The following ATAD2 variants were observed in gnomAD, a reference collection of about 807,000 sequenced individuals.
ATAD2 encodes the protein ATPase family AAA domain containing 2.
ATAD2 carries 62 observed loss-of-function variants against 168.9 expected under a neutral mutation model. The observed-to-expected ratio is 0.37, with a 90% confidence interval of 0.30 to 0.45. The LOEUF (loss-of-function observed/expected upper bound fraction) is 0.45. ATAD2 is among the 20% of genes least tolerant of loss of function. The pLI is 1.00. For synonymous variants in ATAD2, 613 were observed against 571.6 expected (o/e 1.07, Z -1.03); for missense variants, 1,419 against 1,667.8 (o/e 0.85, Z 2.60).
intron 8 of ATAD2, among the ~76,000 whole-genome samples, chr8:123,364,121 T>C (rs1222189335): frequency 6.6e-6 from 1 of 152,164 alleles, no homozygotes; most frequent in Non-Finnish European, 1.5e-5. Context: ...CCGCACTTAA[T>C]GTATGGCAGA....
At chr8:123,371,547 T>A (rs758146430) in intron 4 of ATAD2, 123 bp downstream of exon 4, 9 of 913,430 alleles carry the variant, frequency 9.9e-6, no homozygotes, top group Non-Finnish European at 1.4e-5. Flanking sequence ...CTGATAATCA[T>A]TCTCCTGTAC....
At chr8:123,345,506 CA>C (rs34282183) in intron 18 of ATAD2, among the ~76,000 whole-genome samples, 2,987 of 50,128 alleles carry the variant, frequency 0.06, 89 homozygotes, top group African/African-American at 0.12. Context: ...TATTAAAATA[CA>C]AAAAAAAAAA....
intron 2 of ATAD2, among the ~76,000 whole-genome samples, chr8:123,377,642 A>G (rs1421496375): frequency 6.6e-6 from 1 of 152,194 alleles, no homozygotes; most frequent in Admixed American, 6.5e-5. Context: ...ATTGACTGCT[A>G]TCAGTTTCTC....
At position 123,402,832 on chromosome 8, in the gene ATAD2, AT is replaced by A. The variant is rs1263110956; in HGVS notation, c.-2281-1658del. On this transcript the variant is annotated intron_variant, in intron 1 of 28. Transcript: ENST00000521903. The surrounding 1 kb of genome is among the most constrained non-coding windows in gnomAD (Gnocchi z 4.8). ...CTCAATGCCAATAATAATAATAATAATAATAATAATAAAAATCAACACACTA... is the reference window on the plus strand; with the variant it reads ...CTCAATGCCAATAATAATAATAATAAAATAATAATAAAAATCAACACACTA... 3.7e-4 allele frequency among the ~76,000 whole-genome samples: 56 copies of A among 151,854 alleles called. No homozygotes were observed. The highest frequency in any genetic ancestry group is 1.2e-3 in the African/African-American group (48 of 41,432).
intron 2 of ATAD2, among the ~76,000 whole-genome samples, chr8:123,377,101 A>AAAAAAAAAAAAG (rs1829340770): frequency 7.0e-6 from 1 of 142,414 alleles, no homozygotes; most frequent in Non-Finnish European, 1.5e-5. Context: ...CAAAAAAAAA[A>AAAAAAAAAAAAG]AAAAAAAAAA....
chr8:123,371,105 T>A, intron 5 of ATAD2, 115 bp from the exon 6 acceptor site: 1 of 1,103,982 alleles, frequency 9.1e-7, no homozygotes, highest in Non-Finnish European at 1.3e-6. Flanking sequence ...AACTCTTACA[T>A]TTCCAGCAGT....
rs140021846 is a variant in ATAD2 at position 123,369,954 on chromosome 8, A to T, written c.798T>A (p.Asp266Glu). The T allele has an allele frequency of 2.5e-6, 4 of 1,578,810 alleles. No homozygotes were observed. The highest frequency in any genetic ancestry group is 2.6e-6 in the Non-Finnish European group (3 of 1,151,354). Residue 266 changes from aspartate to glutamate, a missense_variant, in exon 7 of 28, where the codon GAT (aspartate) becomes GAA (glutamate). Around this residue, in one of 5 missense-constraint regions of ATAD2, gnomAD observed 419 missense variants for 423.5 expected, o/e 0.99. Coordinates refer to ENST00000287394, the MANE Select transcript of ATAD2 (RefSeq NM_014109.4). Reference protein sequence around the residue: ...DGEDEDDEDDDDDDDDDDDDD... With the variant: ...DGEDEDDEDDEDDDDDDDDDD... ...CATCATCATCATCATCGTCATCATC[A>T]TCATCATCTTCATCATCTTCATCTT...
intron 25 of ATAD2, among the ~76,000 whole-genome samples, chr8:123,327,531 AACTT>A (rs1357925957): frequency 6.6e-6 from 1 of 152,028 alleles, no homozygotes; most frequent in Admixed American, 6.6e-5. Flanking sequence ...AAAGTCCATT[AACTT>A]AGTCAATGCT....
chr8:123,343,721 C>T (rs1482909040), intron 19 of ATAD2, among the ~76,000 whole-genome samples: 1 of 152,082 alleles, frequency 6.6e-6, no homozygotes, highest in African/African-American at 2.4e-5. Flanking sequence ...ACTTTACATT[C>T]TGATGGGGAA....
intron 2 of ATAD2, among the ~76,000 whole-genome samples, chr8:123,377,166 T>G (rs1319105003): frequency 2.3e-5 from 3 of 129,468 alleles, no homozygotes; most frequent in Non-Finnish European, 3.2e-5. Context: ...GAGGCTGAGG[T>G]GGGAGGACCA....
chr8:123,405,022 T>G (rs1813051723), intron 1 of ATAD2, among the ~76,000 whole-genome samples: 1 of 152,158 alleles, frequency 6.6e-6, no homozygotes, highest in African/African-American at 2.4e-5. Context: ...TTTAACCCAC[T>G]ACCCTAGGGG....
intron 1 of ATAD2, among the ~76,000 whole-genome samples, chr8:123,383,727 C>T (rs1214365300): frequency 3.3e-5 from 5 of 150,512 alleles, no homozygotes; most frequent in African/African-American, 7.4e-5. Context: ...GAGCCGGGAT[C>T]GTGCCATTGC....
chr8:123,391,467 G>A (rs930639873), intron 1 of ATAD2, among the ~76,000 whole-genome samples: 13 of 96,182 alleles, frequency 1.4e-4, no homozygotes, highest in Non-Finnish European at 7.6e-5. Context: ...AGCCTGATCA[G>A]AGGTAATGAG....
At chr8:123,329,345 CCTG>C (rs1222968299) in intron 24 of ATAD2, among the ~76,000 whole-genome samples, 3 of 152,160 alleles carry the variant, frequency 2.0e-5, no homozygotes, top group Non-Finnish European at 4.4e-5. Context: ...ACCCCAAACT[CCTG>C]GGCTCAAGCG....
chr8:123,402,173 C>T lies in ATAD2; in HGVS notation c.-2281-998G>A, dbSNP rs947253751. On this transcript the variant is annotated intron_variant, in intron 1 of 28. Coordinates refer to the ATAD2 transcript ENST00000521903. This position sits in a 1 kb window ranked among gnomAD's most constrained non-coding sequence, Gnocchi z 4.8. ...AGTGTCCACCTTCGGGCATAGCCTC[C>T]CTCCATCACTGAGTGGTCCACAGAT... 48 of 676,332 alleles carry T rather than the reference C, an allele frequency of 7.1e-5. No homozygotes were observed. Among genetic ancestry groups the T allele is most frequent in the Non-Finnish European group, 1.3e-4 (47 of 370,604 alleles). The allele number at this position is 676,332 out of a possible 1,614,324, so 41.9% of individuals were successfully genotyped here. A position where few individuals can be genotyped will look rare whatever the true frequency, so the allele number is the denominator to read the frequency against.
upstream of ATAD2, among the ~76,000 whole-genome samples, chr8:123,398,720 G>A (rs1771533777): frequency 6.6e-6 from 1 of 151,798 alleles, no homozygotes; most frequent in Admixed American, 6.6e-5. Context: ...GCCCAGGCTG[G>A]TCTCAAACTC....
intron 1 of ATAD2, among the ~76,000 whole-genome samples, chr8:123,407,579 C>A (rs902313307): frequency 1.8e-4 from 27 of 151,948 alleles, no homozygotes; most frequent in Non-Finnish European, 3.7e-4. Context: ...CAAAAATTAG[C>A]TGGGTGTGGT....
At chr8:123,382,763 CA>C (rs1288808768) in intron 1 of ATAD2, among the ~76,000 whole-genome samples, 1 of 152,196 alleles carries the variant, frequency 6.6e-6, no homozygotes, top group African/African-American at 2.4e-5. Context: ...TAAATTAGTT[CA>C]ACCATTGTGG....
At chr8:123,407,469 A>G (rs1265585708) in intron 1 of ATAD2, among the ~76,000 whole-genome samples, 4 of 152,174 alleles carry the variant, frequency 2.6e-5, no homozygotes, top group South Asian at 4.1e-4. Flanking sequence ...CACACCTGCA[A>G]TCCCAGCACT....
Sources: allele counts gnomAD v4.1 joint callset (sites outside exome capture counted in the v4.1 genomes callset), GRCh38; gene constraint gnomAD v4.1.1; regional missense constraint gnomAD v4.1.1; non-coding constraint Gnocchi (gnomAD v3.1); transcripts MANE v1.5; gene names NCBI Gene and HGNC (gene_info 2026-07-23, HGNC 2026-07-21).